Variants in CALN1 observed in about 807,000 individuals in gnomAD.
The protein encoded by CALN1 is calcium-binding protein 8.
In CALN1, 17 loss-of-function variants were observed where a neutral mutation model predicts 30.6. That is an observed-to-expected ratio of 0.56 (90% CI 0.38 to 0.83). The LOEUF is 0.83. Among genes scored for constraint, CALN1 ranks in the 40% least tolerant of loss-of-function variants. CALN1 has a pLI of 0.00. For missense variants in CALN1, 291 were observed against 354.9 expected, an observed-to-expected ratio of 0.82 and a Z score of 1.45; for synonymous variants, 156 against 131.4, an observed-to-expected ratio of 1.19 and a Z score of -1.28.
At chr7:72,132,304 A>T (rs1168913404) in intron 3 of CALN1, among the ~76,000 whole-genome samples, 2 of 152,168 alleles carry the variant, frequency 1.3e-5, no homozygotes, top group African/African-American at 4.8e-5. Flanking sequence ...ACATAAGGCC[A>T]ATTTTATAAT....
intron 3 of CALN1, among the ~76,000 whole-genome samples, chr7:72,200,614 AG>A (rs995141031): frequency 6.6e-5 from 10 of 152,172 alleles, no homozygotes; most frequent in Admixed American, 4.6e-4. Flanking sequence ...CTGCCATCAA[AG>A]CCCAGGTTCT....
In CALN1 at chr7:72,012,888, G is replaced by A. The variant is rs142087604; in HGVS notation, c.501+10769C>T. Among the ~76,000 whole-genome samples, 479 of 151,594 alleles carry A rather than the reference G, an allele frequency of 3.2e-3. 2 individuals are homozygous for A. Among genetic ancestry groups the A allele is most frequent in the African/African-American group, 0.011 (454 of 41,352 alleles). On this transcript the variant is annotated intron_variant, in intron 5 of 6. Coordinates refer to ENST00000395275, the MANE Select transcript of CALN1 (RefSeq NM_031468.4). ...TTGGCTCACTGTAACCTCCGCCTCCGGGGTTCAAGCAATTCTCCTGTCTCA... is the reference window on the plus strand; with the variant it reads ...TTGGCTCACTGTAACCTCCGCCTCCAGGGTTCAAGCAATTCTCCTGTCTCA...
intron 2 of CALN1, among the ~76,000 whole-genome samples, chr7:72,359,846 G>A (rs1017895038): frequency 2.0e-4 from 30 of 151,742 alleles, no homozygotes; most frequent in East Asian, 1.9e-4. Flanking sequence ...ACGTGGTGGC[G>A]GGCGCCTGTA....
At chr7:72,168,176 G>C (rs1304347982) in intron 3 of CALN1, among the ~76,000 whole-genome samples, 1 of 151,062 alleles carries the variant, frequency 6.6e-6, no homozygotes, top group Non-Finnish European at 1.5e-5. Flanking sequence ...CTCCCCTGAA[G>C]CTAGCATTAA....
At chr7:72,495,999 C>A in the CALN1 span, among the ~76,000 whole-genome samples, 2 of 152,222 alleles carry the variant, frequency 1.3e-5, no homozygotes, top group South Asian at 4.1e-4. Context: ...TGGCTCACTG[C>A]AACCTGTACC....
At chr7:72,011,641 T>C (rs1265717724) in intron 5 of CALN1, among the ~76,000 whole-genome samples, 3 of 152,174 alleles carry the variant, frequency 2.0e-5, no homozygotes, top group African/African-American at 7.2e-5. Context: ...AAGATTCTAC[T>C]TCTGATAGCA....
intron 4 of CALN1, among the ~76,000 whole-genome samples, chr7:72,079,027 T>G (rs1412762095): frequency 6.6e-6 from 1 of 152,208 alleles, no homozygotes; most frequent in African/African-American, 2.4e-5. Context: ...GTTGAGCACT[T>G]GCTTTACTCG....
intron 4 of CALN1, among the ~76,000 whole-genome samples, chr7:72,105,149 A>ACT (rs1476771418): frequency 6.6e-6 from 1 of 151,418 alleles, no homozygotes; most frequent in Non-Finnish European, 1.5e-5. Context: ...CAAATCTGTG[A>ACT]CTCTCGTCTG....
chr7:71,981,363 C>T (rs921754175), intron 5 of CALN1, among the ~76,000 whole-genome samples: 1 of 151,976 alleles, frequency 6.6e-6, no homozygotes, highest in African/African-American at 2.4e-5. Flanking sequence ...ATGCTGACAT[C>T]GTGAGGCATC....
At position 72,159,754 on chromosome 7, in the gene CALN1, C is replaced by T. The variant is rs555741781; in HGVS notation, c.245-53460G>A. On this transcript the variant is annotated intron_variant, in intron 3 of 6. Transcript: ENST00000395275. ...CAAAGGTTGCAGTGAACCAAGATCA[C>T]GCCACTGCACTCCAGCCTGGGTGGC... Among the ~76,000 whole-genome samples, 18 of 152,218 alleles carry T rather than the reference C, an allele frequency of 1.2e-4. No homozygotes were observed. The East Asian group carries it at 1.9e-3, about 16-fold the overall frequency.
At chr7:72,381,792 A>C (rs1006474416) in intron 2 of CALN1, among the ~76,000 whole-genome samples, 8 of 152,186 alleles carry the variant, frequency 5.3e-5, no homozygotes, top group Non-Finnish European at 1.2e-4. Flanking sequence ...AGGTGCAGCA[A>C]ACCACCATGG....
chr7:71,938,688 G>T (rs987336698), intron 5 of CALN1, among the ~76,000 whole-genome samples: 1 of 152,006 alleles, frequency 6.6e-6, no homozygotes, highest in African/African-American at 2.4e-5. Context: ...ACAGCTACTC[G>T]GGAGCCTGAG....
intron 2 of CALN1, among the ~76,000 whole-genome samples, chr7:72,388,223 C>A (rs1021182392): frequency 5.9e-5 from 9 of 152,006 alleles, no homozygotes; most frequent in African/African-American, 2.2e-4. Context: ...ACACTGTAAC[C>A]CATAAATATG....
At chr7:72,155,071 T>C (rs1418309021) in intron 3 of CALN1, among the ~76,000 whole-genome samples, 2 of 151,910 alleles carry the variant, frequency 1.3e-5, no homozygotes, top group Non-Finnish European at 2.9e-5. Flanking sequence ...AAAATAATGA[T>C]AATTAATTAA....
intron 3 of CALN1, among the ~76,000 whole-genome samples, chr7:72,164,517 C>T (rs1054038760): frequency 2.0e-5 from 3 of 152,174 alleles, no homozygotes; most frequent in African/African-American, 4.8e-5. Context: ...AACGTTCTCC[C>T]TGCAGGTGTT....
the CALN1 span, among the ~76,000 whole-genome samples, chr7:72,503,878 C>T: frequency 2.7e-3 from 414 of 152,152 alleles, 2 homozygotes; most frequent in African/African-American, 9.5e-3. Context: ...TCAGTCAAGG[C>T]GAGAATGCCT....
At chr7:71,856,402 C>T (rs1389829738) in intron 5 of CALN1, among the ~76,000 whole-genome samples, 3 of 152,024 alleles carry the variant, frequency 2.0e-5, no homozygotes, top group South Asian at 2.1e-4. Flanking sequence ...AATCCTTCTG[C>T]CACAGCCTCT....
At chr7:72,237,813 G>T (rs932979034) in intron 3 of CALN1, among the ~76,000 whole-genome samples, 6 of 152,196 alleles carry the variant, frequency 3.9e-5, no homozygotes, top group South Asian at 2.1e-4. Flanking sequence ...TCTATAAGGT[G>T]AGATTGCAGA....
intron 4 of CALN1, among the ~76,000 whole-genome samples, chr7:72,088,906 G>A (rs1005516391): frequency 6.6e-6 from 1 of 152,028 alleles, no homozygotes; most frequent in Admixed American, 6.6e-5. Context: ...TTAATACTAA[G>A]AGGATTAATG....
Sources: allele counts gnomAD v4.1 joint callset (sites outside exome capture counted in the v4.1 genomes callset), GRCh38; gene constraint gnomAD v4.1.1; transcripts MANE v1.5; gene names NCBI Gene and HGNC (gene_info 2026-07-23, HGNC 2026-07-21).